The following TMEM132B variants were observed in gnomAD, a reference collection of about 807,000 sequenced individuals.
TMEM132B encodes transmembrane protein 132B.
In TMEM132B, 18 loss-of-function variants were observed where a neutral mutation model predicts 90.8. The ratio of observed to expected loss-of-function variants is 0.20; its 90% CI spans 0.14 to 0.29. The LOEUF is 0.29. Among genes scored for constraint, TMEM132B ranks in the 10% least tolerant of loss-of-function variants. The pLI is 1.00. For missense variants in TMEM132B, 1,096 were observed against 1,326.8 expected (o/e 0.83, Z 2.70); for synonymous variants, 504 against 523.3 (o/e 0.96, Z 0.50).
intron 1 of TMEM132B, among the ~76,000 whole-genome samples, chr12:125,275,766 T>C (rs1874969596): frequency 6.6e-6 from 1 of 152,020 alleles, no homozygotes; most frequent in Non-Finnish European, 1.5e-5. Flanking sequence ...CAGGCTGGAG[T>C]GTGGTGGTGT....
At chr12:125,544,264 A>G (rs1884031284) in intron 4 of TMEM132B, among the ~76,000 whole-genome samples, 1 of 152,224 alleles carries the variant, frequency 6.6e-6, no homozygotes, top group Admixed American at 6.5e-5. Context: ...ATGGGTTGAT[A>G]GGTGCAACAA....
At chr12:125,524,099 G>A (rs1883382598) in intron 4 of TMEM132B, among the ~76,000 whole-genome samples, 1 of 152,198 alleles carries the variant, frequency 6.6e-6, no homozygotes, top group South Asian at 2.1e-4. Flanking sequence ...TCTCCACGTA[G>A]CCTCAGGCTG....
At chr12:125,438,328 G>A (rs934239762) in intron 3 of TMEM132B, among the ~76,000 whole-genome samples, 4 of 152,174 alleles carry the variant, frequency 2.6e-5, no homozygotes, top group African/African-American at 9.7e-5. Context: ...GACTCTTAAA[G>A]ACTAAGGAAG....
intron 2 of TMEM132B, among the ~76,000 whole-genome samples, chr12:125,393,248 A>G (rs556665299): frequency 4.6e-5 from 7 of 152,360 alleles, no homozygotes; most frequent in Middle Eastern, 3.4e-3. Context: ...CATATTGAGC[A>G]TTGAGTGGGT....
At chr12:125,321,029 T>C (rs931157537) in intron 1 of TMEM132B, among the ~76,000 whole-genome samples, 1 of 152,248 alleles carries the variant, frequency 6.6e-6, no homozygotes, top group Non-Finnish European at 1.5e-5. Flanking sequence ...TCAAAGATCC[T>C]GCCCCAGGCT....
At chr12:125,577,661 C>T (rs1239572734) in intron 4 of TMEM132B, among the ~76,000 whole-genome samples, 2 of 151,178 alleles carry the variant, frequency 1.3e-5, no homozygotes, top group Non-Finnish European at 3.0e-5. Context: ...TTAGTTTGCT[C>T]TTTTTTCTCT....
chr12:125,309,439 T>C (rs1329589619), intron 1 of TMEM132B, among the ~76,000 whole-genome samples: 2 of 152,194 alleles, frequency 1.3e-5, no homozygotes, highest in Non-Finnish European at 2.9e-5. Context: ...ATCTTAATTA[T>C]TTGGTTCTTT....
intron 5 of TMEM132B, among the ~76,000 whole-genome samples, chr12:125,602,112 A>T (rs758242952): frequency 6.6e-6 from 1 of 152,224 alleles, no homozygotes; most frequent in South Asian, 2.1e-4. Flanking sequence ...AACTCATTTA[A>T]TGAGGCCAGG....
chr12:125,434,049 A>G (rs1373025291), intron 3 of TMEM132B, among the ~76,000 whole-genome samples: 1 of 152,174 alleles, frequency 6.6e-6, no homozygotes, highest in Non-Finnish European at 1.5e-5. Flanking sequence ...TCAGAAGTCT[A>G]AAATAAATTT....
At chr12:125,192,146 T>C (rs1463769915) in intron 1 of TMEM132B, among the ~76,000 whole-genome samples, 1 of 152,222 alleles carries the variant, frequency 6.6e-6, no homozygotes, top group Non-Finnish European at 1.5e-5. Flanking sequence ...CTTCGTTAGA[T>C]TTTATTTCAC....
At chr12:125,304,864 T>G (rs546847201) in intron 1 of TMEM132B, among the ~76,000 whole-genome samples, 14 of 152,258 alleles carry the variant, frequency 9.2e-5, no homozygotes, top group Admixed American at 3.9e-4. Context: ...TCTTTTCTTC[T>G]TTGCTGCTGC....
chr12:125,533,482 T>A (rs1169559084), intron 4 of TMEM132B, among the ~76,000 whole-genome samples: 1 of 152,218 alleles, frequency 6.6e-6, no homozygotes, highest in Non-Finnish European at 1.5e-5. Context: ...CCTAAACGCT[T>A]GTTTTCCCTT....
intron 1 of TMEM132B, among the ~76,000 whole-genome samples, chr12:125,267,895 G>C (rs1167090463): frequency 1.3e-5 from 2 of 151,990 alleles, no homozygotes; most frequent in Non-Finnish European, 2.9e-5. Context: ...ATCAATATTC[G>C]TGTACAAGTT....
intron 4 of TMEM132B, among the ~76,000 whole-genome samples, chr12:125,535,349 C>T (rs975547956): frequency 9.9e-5 from 15 of 152,144 alleles, no homozygotes; most frequent in Non-Finnish European, 2.9e-5. Context: ...AGTTTCCAGC[C>T]CACTGTGTTT....
chr12:125,212,119 G>C (rs926497676), intron 1 of TMEM132B, among the ~76,000 whole-genome samples: 1 of 152,084 alleles, frequency 6.6e-6, no homozygotes, highest in Admixed American at 6.5e-5. Context: ...CGGCAGCTTG[G>C]GTCCTGACAT....
intron 1 of TMEM132B, among the ~76,000 whole-genome samples, chr12:125,297,262 A>AAG (rs1488814188): frequency 1.3e-5 from 2 of 152,198 alleles, no homozygotes; most frequent in African/African-American, 4.8e-5. Flanking sequence ...GTCCCGAGGC[A>AAG]GGCACACGGT....
chr12:125,307,859 T>A (rs1876029046), intron 1 of TMEM132B, among the ~76,000 whole-genome samples: 2 of 116,824 alleles, frequency 1.7e-5, no homozygotes, highest in Admixed American at 8.8e-5. Flanking sequence ...CTTATATATT[T>A]ATATATACTT....
At chr12:125,574,867 G>C (rs755484660) in intron 4 of TMEM132B, among the ~76,000 whole-genome samples, 34 of 151,244 alleles carry the variant, frequency 2.2e-4, no homozygotes, top group Non-Finnish European at 3.7e-4. Flanking sequence ...TATCTGTACT[G>C]ATGTTCCCAA....
At chr12:125,575,078 A>ATATATTTATT (rs1566078456) in intron 4 of TMEM132B, among the ~76,000 whole-genome samples, 1 of 108,966 alleles carries the variant, frequency 9.2e-6, no homozygotes, top group Non-Finnish European at 1.9e-5. Context: ...ATATATATAT[A>ATATATTTATT]TATATTCAGG....
Sources: gnomAD v4.1 joint callset for allele counts (sites outside exome capture counted in the v4.1 genomes callset) on GRCh38, gnomAD v4.1.1 for gene constraint, MANE v1.5 for transcripts, NCBI Gene and HGNC (gene_info 2026-07-23, HGNC 2026-07-21) for gene names.